The following NAALADL2 variants were observed in gnomAD, a reference collection of about 807,000 sequenced individuals.
NAALADL2 encodes the protein inactive N-acetylated-alpha-linked acidic dipeptidase-like protein 2.
A neutral mutation model predicts 87.2 loss-of-function variants in NAALADL2; 76 were observed. The observed-to-expected ratio is 0.87, with a 90% CI of 0.72 to 1.05. The LOEUF is 1.05. Among genes scored for constraint, NAALADL2 ranks in the 50% least tolerant of loss-of-function variants. The probability of loss-of-function intolerance (pLI) is 0.00; values close to 1 mark genes in which losing one functional copy is unlikely to be tolerated. For missense variants in NAALADL2, 1,089 were observed against 945.8 expected, an observed-to-expected ratio of 1.15 and a Z score of -1.99; for synonymous variants, 354 against 331.0, an observed-to-expected ratio of 1.07 and a Z score of -0.75.
rs190348347 is a variant in NAALADL2 at position 175,470,908 on chromosome 3, G to A, written c.1534-731G>A. Among the ~76,000 whole-genome samples the A allele has an allele frequency of 2.2e-3, 335 of 152,192 alleles. 1 individual carries two copies. Among genetic ancestry groups the A allele is most frequent in the African/African-American group, 7.3e-3 (303 of 41,504 alleles). On this transcript the variant is annotated intron_variant, in intron 8 of 13. Transcript: ENST00000454872. ...GTAACACAGGGTTATTTTGTGCAGC[G>A]TAGCTCATTGCTTCAAAAGTAAAGG...
intron 10 of NAALADL2, among the ~76,000 whole-genome samples, chr3:175,621,113 G>A (rs140019645): frequency 9.0e-4 from 137 of 152,260 alleles, no homozygotes; most frequent in African/African-American, 3.1e-3. Flanking sequence ...CTCCGTCACG[G>A]ATTCTACGTA....
At position 174,566,936 on chromosome 3, in the gene NAALADL2, T is replaced by G. The variant is rs1210374216; in HGVS notation, c.-115+16299T>G. Reference sequence around the variant, plus strand: ...TTGATGATAGATTTTTTTTCCAACTTTAAATTCTGCTTGGATAAGTATATA... The same window carrying G: ...TTGATGATAGATTTTTTTTCCAACTGTAAATTCTGCTTGGATAAGTATATA... On this transcript the variant is annotated intron_variant, in intron 2 of 3. Coordinates refer to the NAALADL2 transcript ENST00000434257. Among the ~76,000 whole-genome samples, 9 of 151,832 alleles carry G rather than the reference T, an allele frequency of 5.9e-5. No individual in the cohort carries two copies. The East Asian group carries it at 1.7e-3, about 29-fold the overall frequency.
intron 5 of NAALADL2, among the ~76,000 whole-genome samples, chr3:175,336,416 G>T (rs1340923068): frequency 6.6e-6 from 1 of 152,194 alleles, no homozygotes; most frequent in African/African-American, 2.4e-5. Context: ...TTGCTGGCAT[G>T]AAATATCTGG....
chr3:175,223,908 T>C (rs1239858254), intron 2 of NAALADL2, among the ~76,000 whole-genome samples: 2 of 152,194 alleles, frequency 1.3e-5, no homozygotes, highest in Non-Finnish European at 2.9e-5. Flanking sequence ...CTAAGGACTT[T>C]ACATATGTTC....
At chr3:174,648,400 AT>A (rs1724023490) in intron 2 of NAALADL2, among the ~76,000 whole-genome samples, 1 of 152,022 alleles carries the variant, frequency 6.6e-6, no homozygotes, top group African/African-American at 2.4e-5. Context: ...CTTAGTAGAT[AT>A]AGTGTTTGAT....
chr3:175,800,358 T>G (rs1257015312), intron 13 of NAALADL2, among the ~76,000 whole-genome samples: 1 of 152,194 alleles, frequency 6.6e-6, no homozygotes, highest in Non-Finnish European at 1.5e-5. Context: ...TAATACAAAC[T>G]ATAAACCTGA....
In NAALADL2 at chr3:175,084,619, G is replaced by A. The variant is rs1443853223; in HGVS notation, c.44-12171G>A. 2.0e-5 allele frequency among the ~76,000 whole-genome samples: 3 copies of A among 152,088 alleles called. No homozygotes were observed. The East Asian group carries it at 5.8e-4, about 29-fold the overall frequency. On this transcript the variant is annotated intron_variant, in intron 1 of 13. Coordinates refer to ENST00000454872, the MANE Select transcript of NAALADL2 (RefSeq NM_207015.3). ...ATTTAAATTAAATGATTTCTCTTAAGGTATATATGTATTCCTAAAAGAGCA... is the reference window on the plus strand; with the variant it reads ...ATTTAAATTAAATGATTTCTCTTAAAGTATATATGTATTCCTAAAAGAGCA...
intron 13 of NAALADL2, among the ~76,000 whole-genome samples, chr3:175,776,628 C>A (rs1266126100): frequency 2.6e-5 from 4 of 152,058 alleles, no homozygotes; most frequent in African/African-American, 9.7e-5. Context: ...CCAAAGTCTG[C>A]ATCTCGAAGA....
chr3:175,574,350 T>G (rs982490599), intron 9 of NAALADL2, among the ~76,000 whole-genome samples: 1 of 152,164 alleles, frequency 6.6e-6, no homozygotes, highest in African/African-American at 2.4e-5. Context: ...CCCACTCAGT[T>G]CTCAATCAGG....
intron 3 of NAALADL2, among the ~76,000 whole-genome samples, chr3:175,251,856 C>T (rs1422860240): frequency 6.6e-6 from 1 of 152,158 alleles, no homozygotes. Context: ...TCCATCAAAA[C>T]ATTGAGACTT....
chr3:174,978,217 T>A (rs1368622625), intron 1 of NAALADL2, among the ~76,000 whole-genome samples: 1 of 152,236 alleles, frequency 6.6e-6, no homozygotes, highest in Non-Finnish European at 1.5e-5. Context: ...AGCGTGACAA[T>A]GTGTTTAGAA....
At chr3:174,855,393 A>G (rs572162975), upstream of NAALADL2, among the ~76,000 whole-genome samples, 1 of 152,140 alleles carries the variant, frequency 6.6e-6, no homozygotes, top group East Asian at 1.9e-4. Flanking sequence ...ATGGTGTATT[A>G]ACTTCTTATT....
At chr3:174,892,262 A>G (rs1730946906) in intron 1 of NAALADL2, among the ~76,000 whole-genome samples, 1 of 152,220 alleles carries the variant, frequency 6.6e-6, no homozygotes, top group Admixed American at 6.5e-5. Context: ...AAACAGAGAT[A>G]TGTGACCTTT....
chr3:175,774,310 T>C (rs1749916001), intron 13 of NAALADL2, among the ~76,000 whole-genome samples: 1 of 152,070 alleles, frequency 6.6e-6, no homozygotes, highest in Non-Finnish European at 1.5e-5. Flanking sequence ...ACAAGACCTC[T>C]ACGCAGGCAG....
intron 6 of NAALADL2, among the ~76,000 whole-genome samples, chr3:175,461,850 A>T (rs2149264186): frequency 6.6e-6 from 1 of 152,244 alleles, no homozygotes; most frequent in Admixed American, 6.5e-5. Flanking sequence ...CAAAACAAAC[A>T]AACATATGAG....
At position 175,518,056 on chromosome 3, in the gene NAALADL2, C is replaced by T. The variant is rs182555974; in HGVS notation, c.1653+46298C>T. ...GATGGAGCTGCCGTTTTGAACATGC[C>T]TAGTCCCAGATAGCCTTTTCTTAGT... On this transcript the variant is annotated intron_variant, in intron 9 of 13. Coordinates refer to ENST00000454872, the MANE Select transcript of NAALADL2 (RefSeq NM_207015.3). 9.7e-4 allele frequency among the ~76,000 whole-genome samples: 148 copies of T among 152,284 alleles called. 1 individual carries two copies. Among genetic ancestry groups the T allele is most frequent in the African/African-American group, 3.2e-3 (131 of 41,568 alleles).
At chr3:175,068,890 A>G (rs972667308) in intron 1 of NAALADL2, among the ~76,000 whole-genome samples, 4 of 152,126 alleles carry the variant, frequency 2.6e-5, no homozygotes, top group African/African-American at 9.7e-5. Context: ...TCTAAAATAG[A>G]TCAACCATTA....
At chr3:174,479,994 T>C (rs921766643) in intron 1 of NAALADL2, among the ~76,000 whole-genome samples, 48 of 152,226 alleles carry the variant, frequency 3.2e-4, no homozygotes, top group African/African-American at 1.2e-3. Flanking sequence ...ATGTGAGTTT[T>C]GAAAAGAAAT....
intron 11 of NAALADL2, among the ~76,000 whole-genome samples, chr3:175,633,539 A>G (rs1728096929): frequency 6.6e-6 from 1 of 151,950 alleles, no homozygotes; most frequent in East Asian, 1.9e-4. Flanking sequence ...ATTATGGGAT[A>G]GGTAGTACCT....
Sources: allele counts gnomAD v4.1 joint callset (sites outside exome capture counted in the v4.1 genomes callset), GRCh38; gene constraint gnomAD v4.1.1; transcripts MANE v1.5; gene names NCBI Gene and HGNC (gene_info 2026-07-23, HGNC 2026-07-21).